The following ROBO1 variants were observed in gnomAD, a reference collection of about 807,000 sequenced individuals.
ROBO1 encodes the protein roundabout guidance receptor 1, also known as roundabout homolog 1.
A neutral mutation model predicts 195.9 loss-of-function variants in ROBO1; 149 were observed. The observed-to-expected ratio is 0.76, with a 90% CI of 0.67 to 0.87. The LOEUF (loss-of-function observed/expected upper bound fraction) is 0.87. ROBO1 is among the 40% of genes least tolerant of loss of function. The pLI is 0.00. For missense variants in ROBO1, 1,933 were observed against 2,068.3 expected, an observed-to-expected ratio of 0.93 and a Z score of 1.27; for synonymous variants, 816 against 733.2, an observed-to-expected ratio of 1.11 and a Z score of -1.82.
At chr3:78,846,086 G>A (rs922357653) in intron 4 of ROBO1, among the ~76,000 whole-genome samples, 3 of 151,748 alleles carry the variant, frequency 2.0e-5, no homozygotes, top group Admixed American at 6.6e-5. Context: ...GAGGCTTCTC[G>A]CCACTAAACA....
At chr3:78,721,405 T>C (rs936225409) in intron 5 of ROBO1, among the ~76,000 whole-genome samples, 2 of 152,158 alleles carry the variant, frequency 1.3e-5, no homozygotes, top group Non-Finnish European at 2.9e-5. Flanking sequence ...TGAGCTGAGG[T>C]GTAGCTAGAT....
At chr3:79,578,715 A>C (rs1185850251) in intron 2 of ROBO1, among the ~76,000 whole-genome samples, 2 of 152,174 alleles carry the variant, frequency 1.3e-5, no homozygotes, top group Non-Finnish European at 2.9e-5. Flanking sequence ...CTCAGTGCAT[A>C]CTAAAAAATT....
chr3:79,754,366 G>T (rs11127664), intron 1 of ROBO1, among the ~76,000 whole-genome samples: 48,697 of 152,056 alleles, frequency 0.32, 9,304 homozygotes, highest in Middle Eastern at 0.52. Flanking sequence ...TCACTTCAGT[G>T]CCTACAAGTG....
chr3:78,708,264 T>C (rs372253215), intron 8 of ROBO1, among the ~76,000 whole-genome samples: 5 of 152,256 alleles, frequency 3.3e-5, no homozygotes, highest in Admixed American at 2.0e-4. Flanking sequence ...TTATCACCTA[T>C]CTTTCGTTTG....
At chr3:79,308,283 A>G (rs1221027381) in intron 2 of ROBO1, among the ~76,000 whole-genome samples, 2 of 152,216 alleles carry the variant, frequency 1.3e-5, no homozygotes, top group African/African-American at 4.8e-5. Flanking sequence ...ATAAAAGCTA[A>G]CAAATCAAAT....
At chr3:79,012,750 C>T (rs2077815384) in intron 3 of ROBO1, among the ~76,000 whole-genome samples, 1 of 152,170 alleles carries the variant, frequency 6.6e-6, no homozygotes, top group Non-Finnish European at 1.5e-5. Flanking sequence ...AGCAACATGA[C>T]ACCTTTCGGT....
chr3:78,640,462 T>C (rs1705872484), intron 21 of ROBO1, among the ~76,000 whole-genome samples: 1 of 152,212 alleles, frequency 6.6e-6, no homozygotes, highest in Non-Finnish European at 1.5e-5. Flanking sequence ...CAGAGCATAG[T>C]TCTGTAAGCT....
At chr3:79,231,693 C>A (rs1220721008) in intron 2 of ROBO1, among the ~76,000 whole-genome samples, 1 of 151,964 alleles carries the variant, frequency 6.6e-6, no homozygotes, top group Non-Finnish European at 1.5e-5. Flanking sequence ...GCCATTTGAC[C>A]CAGCAATCCC....
chr3:79,264,473 C>T (rs1013800032), intron 2 of ROBO1, among the ~76,000 whole-genome samples: 1 of 151,870 alleles, frequency 6.6e-6, no homozygotes, highest in African/African-American at 2.4e-5. Flanking sequence ...TTCATGCATT[C>T]AACTATTCAT....
chr3:79,376,954 AAC>A (rs1022174663), intron 2 of ROBO1, among the ~76,000 whole-genome samples: 37 of 152,312 alleles, frequency 2.4e-4, no homozygotes, highest in African/African-American at 8.9e-4. Flanking sequence ...TAACAATAGA[AAC>A]ACATACATGC....
chr3:79,418,406 C>T (rs915311922), intron 2 of ROBO1, among the ~76,000 whole-genome samples: 1 of 151,986 alleles, frequency 6.6e-6, no homozygotes. Context: ...ATATATGTGG[C>T]CTGAAAATAA....
chr3:78,635,960 A>G lies in ROBO1; in HGVS notation c.3186T>C (p.Arg1062=). The G allele has an allele frequency of 6.2e-7, 1 of 1,613,700 alleles. No individual in the cohort carries two copies. Among genetic ancestry groups the G allele is most frequent in the Non-Finnish European group, 8.5e-7 (1 of 1,179,808 alleles). Residue 1062 remains arginine, a synonymous_variant, in exon 23 of 31, where the codon CGT becomes CGC. Coordinates refer to ENST00000464233, the MANE Select transcript of ROBO1 (RefSeq NM_002941.4). ...TAGGCTGCCCTGATGGATTGACAAA[A>G]CGCCCATCCTTCAGATTTGGGCTAT... The part of the protein sequence containing the change: ...TFNSPNLKDG[R]FVNPSGQPTP...
At chr3:79,418,298 T>C (rs1260127090) in intron 2 of ROBO1, among the ~76,000 whole-genome samples, 1 of 152,140 alleles carries the variant, frequency 6.6e-6, no homozygotes, top group African/African-American at 2.4e-5. Flanking sequence ...GTGTAATCAA[T>C]AGTATTATAG....
At chr3:78,604,284 T>C (rs1260164631) in intron 29 of ROBO1, among the ~76,000 whole-genome samples, 2 of 152,090 alleles carry the variant, frequency 1.3e-5, no homozygotes, top group Non-Finnish European at 2.9e-5. Context: ...TTGGCCAGGC[T>C]GGTCTCAAAC....
intron 4 of ROBO1, among the ~76,000 whole-genome samples, chr3:78,831,402 T>G: frequency 6.6e-6 from 1 of 152,188 alleles, no homozygotes; most frequent in East Asian, 1.9e-4. Flanking sequence ...AAATAGTAGT[T>G]TATGTTTTTA....
intron 2 of ROBO1, among the ~76,000 whole-genome samples, chr3:79,180,683 A>G (rs1024034002): frequency 6.6e-6 from 1 of 152,234 alleles, no homozygotes; most frequent in African/African-American, 2.4e-5. Flanking sequence ...GGCCTGGCAC[A>G]TAGTAATAAA....
chr3:78,638,152 G>A lies in ROBO1; in HGVS notation c.3037+1592C>T, dbSNP rs528866382. 1.1e-4 allele frequency among the ~76,000 whole-genome samples: 15 copies of A among 141,886 alleles called. 1 individual carries two copies. The highest frequency in any genetic ancestry group is 4.0e-4 in the Admixed American group (6 of 14,844). 93.1% of individuals were successfully genotyped at this position (141,886 alleles called of 152,430 possible). A position where few individuals can be genotyped will look rare whatever the true frequency, so the allele number is the denominator to read the frequency against. ...AAAAAACAAACAATAGAAAATAAAT[G>A]TATGCATGCACACCTGCAGTGTGTG... On this transcript the variant is annotated intron_variant, in intron 22 of 30. Transcript: ENST00000464233.
chr3:79,425,136 C>A (rs116114493), intron 2 of ROBO1, among the ~76,000 whole-genome samples: 166 of 152,236 alleles, frequency 1.1e-3, no homozygotes, highest in Non-Finnish European at 1.8e-3. Flanking sequence ...TCAATAAATG[C>A]ATATGACTAT....
At chr3:78,966,100 G>A (rs1304188549) in intron 3 of ROBO1, among the ~76,000 whole-genome samples, 2 of 152,122 alleles carry the variant, frequency 1.3e-5, no homozygotes, top group African/African-American at 2.4e-5. Flanking sequence ...ACTGTGAACT[G>A]AGCAAGCAAG....
Sources: allele counts gnomAD v4.1 joint callset (sites outside exome capture counted in the v4.1 genomes callset), GRCh38; gene constraint gnomAD v4.1.1; transcripts MANE v1.5; gene names NCBI Gene and HGNC (gene_info 2026-07-23, HGNC 2026-07-21).